TPO: variants seen among roughly 807,000 people sequenced by gnomAD.
TPO encodes thyroid peroxidase.
TPO carries 78 observed loss-of-function variants against 96.9 expected under a neutral mutation model. The observed-to-expected ratio is 0.81, with a 90% CI of 0.67 to 0.97. TPO has a LOEUF of 0.97. Among genes scored for constraint, TPO ranks in the 50% least tolerant of loss-of-function variants. The probability of loss-of-function intolerance (pLI) is 0.00; values close to 1 mark genes in which losing one functional copy is unlikely to be tolerated. For missense variants in TPO, 1,252 were observed against 1,274.8 expected, an observed-to-expected ratio of 0.98 and a Z score of 0.27; for synonymous variants, 547 against 538.0, an observed-to-expected ratio of 1.02 and a Z score of -0.23.
At chr2:1,484,898 C>T in intron 9 of TPO, 44 bp downstream of exon 9, 2 of 1,609,260 alleles carry the variant, frequency 1.2e-6, no homozygotes, top group Non-Finnish European at 8.5e-7. Context: ...TGAACTCTTC[C>T]TTCTTTTTTT....
At chr2:1,533,184 C>A (rs1678739555) in intron 15 of TPO, among the ~76,000 whole-genome samples, 3 of 81,174 alleles carry the variant, frequency 3.7e-5, no homozygotes, top group African/African-American at 6.6e-5. Flanking sequence ...CAAATCCCCC[C>A]ACTGTGTGCA....
At chr2:1,404,598 C>T (rs80119171) in intron 1 of TPO, among the ~76,000 whole-genome samples, 3,786 of 152,174 alleles carry the variant, frequency 0.025, 115 homozygotes, top group South Asian at 0.076. Flanking sequence ...TGTGTGAAGA[C>T]GCAGGGGAAG....
Position 1,518,021 on chromosome 2 carries a change from G to A in TPO, c.2618+1039G>A, listed in dbSNP as rs573271797. 8.6e-5 allele frequency among the ~76,000 whole-genome samples: 13 copies of A among 151,596 alleles called. No individual in the cohort carries two copies. The East Asian group carries it at 1.8e-3, about 21-fold the overall frequency. ...CAGGATGACCCCTGCAGTCACCTTC[G>A]CCCTCCACCCCGGCCTTCAGAGCTC... On this transcript the variant is annotated intron_variant, in intron 15 of 16. Transcript: ENST00000329066.
chr2:1,386,647 G>T (rs559605170), intron 1 of TPO, among the ~76,000 whole-genome samples: 1,783 of 152,118 alleles, frequency 0.012, 40 homozygotes, highest in African/African-American at 0.041. Flanking sequence ...CACACTGATG[G>T]GTCTTGACTC....
chr2:1,511,080 T>C (rs1422335377), intron 14 of TPO, among the ~76,000 whole-genome samples: 2 of 152,212 alleles, frequency 1.3e-5, no homozygotes, highest in Admixed American at 6.5e-5. Flanking sequence ...GGCGCTGATA[T>C]AATTATAGAG....
chr2:1,414,284 C>A, intron 1 of TPO, 124 bp from the exon 2 acceptor site: 1 of 920,730 alleles, frequency 1.1e-6, no homozygotes, highest in South Asian at 1.4e-5. Flanking sequence ...GAGGGTCGCT[C>A]ACTGCGGTAG....
intron 1 of TPO, among the ~76,000 whole-genome samples, chr2:1,375,734 C>T (rs984003997): frequency 2.6e-5 from 4 of 152,044 alleles, no homozygotes; most frequent in Admixed American, 6.6e-5. Context: ...GTGTCTACAT[C>T]GTCCTTATGA....
chr2:1,456,413 A>G (rs1667791649), intron 7 of TPO, 131 bp downstream of exon 7: 1 of 942,992 alleles, frequency 1.1e-6, no homozygotes. Context: ...AGTTGTGAAT[A>G]TCTGGTGCAT....
intron 7 of TPO, among the ~76,000 whole-genome samples, chr2:1,457,424 A>G (rs1667919312): frequency 2.3e-5 from 1 of 44,184 alleles, no homozygotes. Context: ...GCGTGTGGGC[A>G]GATGTGTACA....
At chr2:1,454,364 A>G (rs1399542774) in intron 6 of TPO, among the ~76,000 whole-genome samples, 1 of 152,206 alleles carries the variant, frequency 6.6e-6, no homozygotes, top group East Asian at 1.9e-4. Flanking sequence ...TTATCTAGAA[A>G]TACATCAGTG....
chr2:1,475,857 T>C (rs1438562165), intron 7 of TPO, among the ~76,000 whole-genome samples: 1 of 152,230 alleles, frequency 6.6e-6, no homozygotes, highest in Non-Finnish European at 1.5e-5. Context: ...GGCCTTGGGC[T>C]GCACAGCTGC....
At chr2:1,523,947 TCCCAAATCCCCCCACTCTGTGCAACTTC>T (rs1373068788) in intron 15 of TPO, among the ~76,000 whole-genome samples, 1 of 17,028 alleles carries the variant, frequency 5.9e-5, no homozygotes, top group Non-Finnish European at 1.1e-4. Flanking sequence ...TGTGCAACCT[TCCCAAATCCCCCCACTCTGTGCAACTTC>T]CCCAAATCCC....
chr2:1,464,444 T>A (rs943231986), intron 7 of TPO, among the ~76,000 whole-genome samples: 4 of 152,344 alleles, frequency 2.6e-5, no homozygotes, highest in South Asian at 2.1e-4. Flanking sequence ...AAATAGTAGT[T>A]CTACTTTTAG....
chr2:1,484,487 G>A, intron 8 of TPO, 109 bp from the exon 9 acceptor site: 1 of 1,416,312 alleles, frequency 7.1e-7, no homozygotes, highest in African/African-American at 1.4e-5. Context: ...AGACGAGAAG[G>A]GTCCAGTTCC....
At chr2:1,485,580 T>C (rs1671081972) in intron 9 of TPO, among the ~76,000 whole-genome samples, 1 of 151,812 alleles carries the variant, frequency 6.6e-6, no homozygotes, top group Non-Finnish European at 1.5e-5. Context: ...TTTTCCTGAC[T>C]TTTTAATGAT....
In TPO at chr2:1,440,102, C is replaced by A. The variant is rs556465047; in HGVS notation, c.482+3718C>A. On this transcript the variant is annotated intron_variant, in intron 5 of 16. Coordinates refer to ENST00000329066, the MANE Select transcript of TPO (RefSeq NM_001206744.2). ...GCATTTCCAATGTGCTGCGTTTCCA[C>A]TGTGCTGCGTTTCCAATGTGCTACA... Among the ~76,000 whole-genome samples the A allele has an allele frequency of 9.9e-5, 15 of 151,894 alleles. No homozygotes were observed. The South Asian group carries it at 2.5e-3, about 25-fold the overall frequency.
chr2:1,470,875 G>A (rs190057344), intron 7 of TPO, among the ~76,000 whole-genome samples: 175 of 152,272 alleles, frequency 1.1e-3, no homozygotes, highest in African/African-American at 4.0e-3. Context: ...GAGGCCACAG[G>A]GCTTCCACTT....
intron 15 of TPO, among the ~76,000 whole-genome samples, chr2:1,521,886 C>T (rs1000709809): frequency 2.0e-5 from 3 of 152,108 alleles, no homozygotes; most frequent in African/African-American, 7.2e-5. Context: ...CCACCCCAGT[C>T]CCCCCGTGGG....
In TPO at chr2:1,503,356, A is replaced by G. The variant is rs149485276; in HGVS notation, c.2387-592A>G. The stretch of plus-strand genomic sequence containing the variant: ...GTAGAGAAGACCTGTGACACGCTAC[A>G]GCTTCTTTTCTAAAACTGGCCAGAA... On this transcript the variant is annotated intron_variant, in intron 13 of 16. Transcript: ENST00000329066. 4.1e-3 allele frequency among the ~76,000 whole-genome samples: 620 copies of G among 152,372 alleles called. 6 individuals carry two copies. Among genetic ancestry groups the G allele is most frequent in the African/African-American group, 0.014 (593 of 41,592 alleles).
Sources: allele counts gnomAD v4.1 joint callset (sites outside exome capture counted in the v4.1 genomes callset), GRCh38; gene constraint gnomAD v4.1.1; transcripts MANE v1.5; gene names NCBI Gene and HGNC (gene_info 2026-07-23, HGNC 2026-07-21).